HS1BP3: variants seen among roughly 807,000 people sequenced by gnomAD.
The protein encoded by HS1BP3 is HCLS1-binding protein 3.
HS1BP3 carries 32 observed loss-of-function variants against 33.5 expected under a neutral mutation model. The ratio of observed to expected loss-of-function variants is 0.95; its 90% CI spans 0.72 to 1.28. The LOEUF (loss-of-function observed/expected upper bound fraction) is 1.28. Among genes scored for constraint, HS1BP3 ranks in the 50% most tolerant of loss-of-function variants. The probability of loss-of-function intolerance (pLI) is 0.00; values close to 1 mark genes in which losing one functional copy is unlikely to be tolerated. For missense variants in HS1BP3, 486 were observed against 502.3 expected (o/e 0.97, Z 0.31); for synonymous variants, 187 against 209.2 (o/e 0.89, Z 0.92).
At chr2:20,576,795 C>T (rs1407469893) in intron 5 of HS1BP3, among the ~76,000 whole-genome samples, 2 of 152,228 alleles carry the variant, frequency 1.3e-5, no homozygotes, top group Admixed American at 6.5e-5. Context: ...TTGCCTGCCT[C>T]CCGGAAGCTG....
At chr2:20,590,374 G>T (rs542198329), downstream of HS1BP3, among the ~76,000 whole-genome samples, 14 of 152,286 alleles carry the variant, frequency 9.2e-5, no homozygotes, top group African/African-American at 3.4e-4. Flanking sequence ...CTTTACTGAG[G>T]CTGGAGTCAC....
rs750543470 is a variant in HS1BP3 at position 20,618,939 on chromosome 2, G to A, written c.*48C>T. ...GGGCCCAGTCCCTTCCCTTCACACC[G>A]ATGTCCCCACAGACAGGCCTGCTGG... On this transcript the variant is annotated 3_prime_UTR_variant, in exon 7 of 7. Coordinates refer to ENST00000304031, the MANE Select transcript of HS1BP3 (RefSeq NM_022460.4). The A allele has an allele frequency of 1.8e-5, 29 of 1,579,944 alleles. No individual in the cohort carries two copies. Among genetic ancestry groups the A allele is most frequent in the Admixed American group, 1.4e-4 (8 of 57,042 alleles).
intron 2 of HS1BP3, among the ~76,000 whole-genome samples, chr2:20,643,518 T>G (rs1480910157): frequency 6.6e-6 from 1 of 152,102 alleles, no homozygotes; most frequent in Non-Finnish European, 1.5e-5. Context: ...AGGCCCAGAA[T>G]CACCCCTGAC....
intron 5 of HS1BP3, among the ~76,000 whole-genome samples, chr2:20,577,402 T>C (rs898162332): frequency 1.3e-5 from 2 of 152,150 alleles, no homozygotes; most frequent in African/African-American, 4.8e-5. Flanking sequence ...AGCATGATTC[T>C]TGGGGTTGTT....
chr2:20,623,785 G>A (rs1572342199), intron 6 of HS1BP3, 111 bp downstream of exon 6: 3 of 1,257,646 alleles, frequency 2.4e-6, no homozygotes, highest in Non-Finnish European at 1.1e-6. Flanking sequence ...CACAGGCCTG[G>A]GGTCCTCCCC....
At chr2:20,569,953 A>G (rs2149272056) in intron 5 of HS1BP3, among the ~76,000 whole-genome samples, 1 of 152,340 alleles carries the variant, frequency 6.6e-6, no homozygotes, top group South Asian at 2.1e-4. Flanking sequence ...CTGGTCATTC[A>G]TAGGAGTCCC....
intron 5 of HS1BP3, among the ~76,000 whole-genome samples, chr2:20,579,796 T>G (rs1335859739): frequency 6.6e-6 from 1 of 152,248 alleles, no homozygotes; most frequent in African/African-American, 2.4e-5. Flanking sequence ...CAAGACTCAC[T>G]GATTCTTCTG....
In HS1BP3 at chr2:20,603,271, C is replaced by T. The variant is rs529566578; in HGVS notation, c.179-5006G>A. ...GAAACATAGGTCCACACCAAAACTA[C>T]ACATGAATGTTCACAGCAACATTAT... On this transcript the variant is annotated intron_variant, in intron 2 of 3. Transcript: ENST00000415264. 3.9e-5 allele frequency among the ~76,000 whole-genome samples: 6 copies of T among 152,278 alleles called. No homozygotes were observed. The East Asian group carries it at 1.2e-3, about 29-fold the overall frequency.
At chr2:20,573,164 T>C (rs1267610958) in intron 5 of HS1BP3, among the ~76,000 whole-genome samples, 2 of 152,150 alleles carry the variant, frequency 1.3e-5, no homozygotes, top group African/African-American at 2.4e-5. Context: ...TTTGCTGATA[T>C]AATTAAGCTG....
intron 2 of HS1BP3, among the ~76,000 whole-genome samples, chr2:20,605,585 C>T (rs898143129): frequency 1.3e-5 from 2 of 152,188 alleles, no homozygotes; most frequent in African/African-American, 4.8e-5. Flanking sequence ...ACCTATACCT[C>T]CCCGCACTCC....
At position 20,618,720 on chromosome 2, in the gene HS1BP3, C is replaced by T; in HGVS notation, c.*267G>A. ...TCTGGTTGGCAAGGCATCCCCACAC[C>T]CTCCCTCCCCTTCATGTCCACGGGG... On this transcript the variant is annotated 3_prime_UTR_variant, in exon 7 of 7. Coordinates refer to ENST00000304031, the MANE Select transcript of HS1BP3 (RefSeq NM_022460.4). 5 of 1,274,118 alleles carry T rather than the reference C, an allele frequency of 3.9e-6. No homozygotes were observed. Among genetic ancestry groups the T allele is most frequent in the Non-Finnish European group, 5.0e-6 (5 of 1,008,728 alleles). The allele number at this position is 1,274,118 out of a possible 1,614,324, so 78.9% of individuals were successfully genotyped here. A position where few individuals can be genotyped will look rare whatever the true frequency, so the allele number is the denominator to read the frequency against.
At position 20,634,371 on chromosome 2, in the gene HS1BP3, G is replaced by A. The variant is rs568535976; in HGVS notation, c.623+4065C>T. 2.0e-5 allele frequency among the ~76,000 whole-genome samples: 3 copies of A among 152,362 alleles called. No individual in the cohort carries two copies. The South Asian group carries it at 6.2e-4, about 32-fold the overall frequency. On this transcript the variant is annotated intron_variant, in intron 4 of 6. Coordinates refer to ENST00000304031, the MANE Select transcript of HS1BP3 (RefSeq NM_022460.4). ...CCTACCCAGATCTGAGGGGGGCCTG[G>A]AATCTCTATCTCTGCCAAGCTTTCA...
chr2:20,631,332 A>G (rs1459002335), intron 4 of HS1BP3, among the ~76,000 whole-genome samples: 2 of 151,816 alleles, frequency 1.3e-5, no homozygotes, highest in Non-Finnish European at 2.9e-5. Context: ...TGGGCAACAT[A>G]GTGAAACCTC....
At chr2:20,621,800 G>A (rs748568781) in intron 6 of HS1BP3, among the ~76,000 whole-genome samples, 8 of 152,264 alleles carry the variant, frequency 5.3e-5, no homozygotes, top group African/African-American at 1.9e-4. Flanking sequence ...GGTCAGCCAC[G>A]GTGGGAGGCA....
intron 1 of HS1BP3, among the ~76,000 whole-genome samples, chr2:20,647,607 C>A (rs1465838795): frequency 1.3e-5 from 2 of 152,162 alleles, no homozygotes; most frequent in Admixed American, 1.3e-4. Context: ...TCTTAGTAAG[C>A]CCTCCGACGA....
intron 4 of HS1BP3, among the ~76,000 whole-genome samples, chr2:20,629,260 A>G (rs905804200): frequency 1.1e-4 from 17 of 152,122 alleles, no homozygotes; most frequent in Admixed American, 1.1e-3. Flanking sequence ...GTCAGGTCGC[A>G]CACATGGGCT....
At chr2:20,617,437 C>T (rs967202477), downstream of HS1BP3, among the ~76,000 whole-genome samples, 1 of 152,140 alleles carries the variant, frequency 6.6e-6, no homozygotes, top group Admixed American at 6.5e-5. Flanking sequence ...AGCTCTCGAC[C>T]CCAAAACCAC....
chr2:20,570,830 G>A (rs1041034741), intron 5 of HS1BP3, among the ~76,000 whole-genome samples: 3 of 152,180 alleles, frequency 2.0e-5, no homozygotes, highest in African/African-American at 7.2e-5. Context: ...ACTTCCAGGA[G>A]GGCAGCAGGG....
At chr2:20,636,191 A>G (rs1695124290) in intron 4 of HS1BP3, 1 of 152,222 alleles carries the variant, frequency 6.6e-6, no homozygotes, top group African/African-American at 2.4e-5. Flanking sequence ...GTCCCCCACC[A>G]AAGGGCAGGT....
Sources: allele counts gnomAD v4.1 joint callset (sites outside exome capture counted in the v4.1 genomes callset), GRCh38; gene constraint gnomAD v4.1.1; transcripts MANE v1.5; gene names NCBI Gene and HGNC (gene_info 2026-07-23, HGNC 2026-07-21).